PTPRM: variants seen among roughly 807,000 people sequenced by gnomAD.
PTPRM encodes receptor-type tyrosine-protein phosphatase mu.
A neutral mutation model predicts 186.7 loss-of-function variants in PTPRM; 47 were observed. The observed-to-expected ratio is 0.25, with a 90% CI of 0.20 to 0.32. The LOEUF is 0.32. Ranked by LOEUF, PTPRM falls within the 10% of genes least tolerant of loss-of-function variation. The pLI is 1.00. For synonymous variants in PTPRM, 668 were observed against 674.9 expected, an observed-to-expected ratio of 0.99 and a Z score of 0.16; for missense variants, 1,494 against 1,865.0, an observed-to-expected ratio of 0.80 and a Z score of 3.66.
chr18:7,604,957 A>G (rs2037494612), intron 1 of PTPRM, among the ~76,000 whole-genome samples: 1 of 152,026 alleles, frequency 6.6e-6, no homozygotes, highest in African/African-American at 2.4e-5. Context: ...GGTCCTCAAA[A>G]TAGAGTTTTG....
chr18:7,985,827 T>C (rs528657458), intron 7 of PTPRM, among the ~76,000 whole-genome samples: 2 of 152,110 alleles, frequency 1.3e-5, no homozygotes, highest in African/African-American at 4.8e-5. Context: ...TGCTATGAAA[T>C]AGTAGGTCTT....
chr18:7,845,725 T>A (rs564462658), intron 2 of PTPRM, among the ~76,000 whole-genome samples: 30 of 152,302 alleles, frequency 2.0e-4, no homozygotes, highest in African/African-American at 6.3e-4. Flanking sequence ...AAATAAGACT[T>A]CCTTATCTTT....
intron 4 of PTPRM, among the ~76,000 whole-genome samples, chr18:7,910,463 G>A (rs1329706977): frequency 6.6e-6 from 1 of 152,222 alleles, no homozygotes; most frequent in Non-Finnish European, 1.5e-5. Flanking sequence ...AGATCCCCAT[G>A]ACTGAATTTT....
intron 23 of PTPRM, among the ~76,000 whole-genome samples, chr18:8,352,689 T>C (rs2095542109): frequency 1.3e-5 from 2 of 151,538 alleles, no homozygotes; most frequent in South Asian, 4.2e-4. Flanking sequence ...TTTTGTTTTT[T>C]GAGATGGAGT....
chr18:7,616,386 T>C (rs1450693154), intron 1 of PTPRM, among the ~76,000 whole-genome samples: 1 of 152,144 alleles, frequency 6.6e-6, no homozygotes, highest in Non-Finnish European at 1.5e-5. Context: ...CTTGAACTTC[T>C]GGGCCCAAGG....
intron 7 of PTPRM, among the ~76,000 whole-genome samples, chr18:8,001,710 C>T (rs1168057301): frequency 6.6e-6 from 1 of 152,138 alleles, no homozygotes; most frequent in African/African-American, 2.4e-5. Context: ...GCCTAATCTT[C>T]CTTAATAAAA....
At chr18:8,100,162 G>A (rs991970168) in intron 11 of PTPRM, among the ~76,000 whole-genome samples, 8 of 151,938 alleles carry the variant, frequency 5.3e-5, no homozygotes, top group South Asian at 2.1e-4. Flanking sequence ...GTGTGGAAAC[G>A]GAGTCTTACT....
At chr18:7,806,678 C>T (rs749452) in intron 2 of PTPRM, among the ~76,000 whole-genome samples, 43,292 of 152,092 alleles carry the variant, frequency 0.28, 7,221 homozygotes, top group Admixed American at 0.44. Flanking sequence ...AGCGCAGGCA[C>T]TGCTGGTGGT....
rs1555632236 is a variant in PTPRM at position 7,884,951 on chromosome 18, A to AG, written c.197-3153dup. ...AAAAAAAAAAAAAAAAAAAAAAAAA[A>AG]GGAGAGAGAGAAAATAGCAGATCTT... is the stretch of plus-strand genomic sequence containing the variant. On this transcript the variant is annotated intron_variant, in intron 2 of 32. Coordinates refer to ENST00000580170, the MANE Select transcript of PTPRM (RefSeq NM_001105244.2). Among the ~76,000 whole-genome samples the AG allele has an allele frequency of 3.6e-3, 530 of 146,294 alleles. 9 individuals are homozygous for AG. Among genetic ancestry groups the AG allele is most frequent in the African/African-American group, 0.012 (479 of 39,152 alleles).
chr18:7,937,914 G>A (rs1050806237), intron 5 of PTPRM, among the ~76,000 whole-genome samples: 3 of 152,180 alleles, frequency 2.0e-5, no homozygotes, highest in Non-Finnish European at 4.4e-5. Flanking sequence ...CTGCATGGGT[G>A]ACTCCTGTCC....
At chr18:7,875,372 G>A (rs2048188404) in intron 2 of PTPRM, among the ~76,000 whole-genome samples, 1 of 148,998 alleles carries the variant, frequency 6.7e-6, no homozygotes, top group Non-Finnish European at 1.5e-5. Flanking sequence ...TGCCCAGGCT[G>A]GAGTGCAGTA....
chr18:8,018,491 G>A (rs971662932), intron 7 of PTPRM, among the ~76,000 whole-genome samples: 4 of 152,014 alleles, frequency 2.6e-5, no homozygotes, highest in Non-Finnish European at 4.4e-5. Flanking sequence ...CTGATGGACA[G>A]GAAATGAAAC....
chr18:8,244,406 CAG>C (rs2094458982), intron 15 of PTPRM, among the ~76,000 whole-genome samples, 197 bp downstream of exon 15: 2 of 152,030 alleles, frequency 1.3e-5, no homozygotes, highest in Non-Finnish European at 1.5e-5. Context: ...AGGACCAGAT[CAG>C]AGAGTCCAGA....
chr18:8,318,344 T>TGAAGTA (rs2095324424), intron 21 of PTPRM, among the ~76,000 whole-genome samples: 2 of 124,688 alleles, frequency 1.6e-5, no homozygotes, highest in Non-Finnish European at 3.2e-5. Context: ...TCACCCAGGC[T>TGAAGTA]GAAGTACAGT....
chr18:7,774,125 A>G, intron 1 of PTPRM, 24 bp from the exon 2 acceptor site: 1 of 1,594,494 alleles, frequency 6.3e-7, no homozygotes, highest in Non-Finnish European at 8.6e-7. Context: ...TATTTACATT[A>G]CTTTTTATTC....
At chr18:8,066,431 A>G (rs1028393751) in intron 7 of PTPRM, among the ~76,000 whole-genome samples, 1 of 152,164 alleles carries the variant, frequency 6.6e-6, no homozygotes, top group Non-Finnish European at 1.5e-5. Context: ...GAAGTGGACC[A>G]TGTCCCTGTG....
intron 2 of PTPRM, among the ~76,000 whole-genome samples, chr18:7,785,519 A>G (rs1357475902): frequency 6.6e-6 from 1 of 152,202 alleles, no homozygotes; most frequent in Non-Finnish European, 1.5e-5. Context: ...GTGTGCGTTT[A>G]TTACTTAATT....
At position 7,810,452 on chromosome 18, in the gene PTPRM, A is replaced by G. The variant is rs150965990; in HGVS notation, c.196+36181A>G. Among the ~76,000 whole-genome samples the G allele has an allele frequency of 2.3e-3, 350 of 152,344 alleles. 2 individuals carry two copies. Among genetic ancestry groups the G allele is most frequent in the African/African-American group, 7.5e-3 (313 of 41,586 alleles). On this transcript the variant is annotated intron_variant, in intron 2 of 32. Transcript: ENST00000580170. ...CTTAAGAACATTTATTATGATTTCTATATAGTCTGCTTACAAATGAATTTC... is the reference window on the plus strand; with the variant it reads ...CTTAAGAACATTTATTATGATTTCTGTATAGTCTGCTTACAAATGAATTTC...
intron 19 of PTPRM, among the ~76,000 whole-genome samples, chr18:8,276,519 G>A (rs2094837396): frequency 6.6e-6 from 1 of 152,180 alleles, no homozygotes; most frequent in Admixed American, 6.5e-5. Flanking sequence ...TATCCTAACA[G>A]CAGTTGATGT....
Sources: allele counts gnomAD v4.1 joint callset (sites outside exome capture counted in the v4.1 genomes callset), GRCh38; gene constraint gnomAD v4.1.1; transcripts MANE v1.5; gene names NCBI Gene and HGNC (gene_info 2026-07-23, HGNC 2026-07-21).